Variants in PCDHGA2 observed in about 807,000 individuals in gnomAD.
The protein encoded by PCDHGA2 is protocadherin gamma subfamily A, 2, also known as protocadherin gamma-A2.
PCDHGA2 carries 40 observed loss-of-function variants against 59.2 expected under a neutral mutation model. That is an observed-to-expected ratio of 0.68 (90% confidence interval 0.52 to 0.88). PCDHGA2 has a LOEUF of 0.88. PCDHGA2 is among the 40% of genes least tolerant of loss of function. The probability of loss-of-function intolerance (pLI) is 0.00; values close to 1 mark genes in which losing one functional copy is unlikely to be tolerated. For synonymous variants in PCDHGA2, 560 were observed against 526.0 expected (o/e 1.06, Z -0.89); for missense variants, 1,226 against 1,204.0 (o/e 1.02, Z -0.27).
In PCDHGA2 at chr5:141,403,112, C is replaced by CT. The variant is rs765071462; in HGVS notation, c.2424+61718dup. The CT allele has an allele frequency of 3.1e-6, 5 of 1,614,074 alleles. No individual in the cohort carries two copies. In the South Asian group the frequency reaches 5.5e-5, roughly 18 times the overall value. On this transcript the variant is annotated intron_variant, in intron 1 of 3. Transcript: ENST00000394576. Reference sequence around the variant, plus strand: ...GGGCAACATCTCCAAGGACCTGGCTCTGGAGCCCCGGGAGCTGGCGGAGCG... The same window carrying CT: ...GGGCAACATCTCCAAGGACCTGGCTCTTGGAGCCCCGGGAGCTGGCGGAGCG...
intron 1 of PCDHGA2, chr5:141,492,050 C>T (rs2099736541): frequency 4.0e-6 from 2 of 500,984 alleles, no homozygotes; most frequent in South Asian, 7.5e-5. Context: ...AGATCCACCC[C>T]TGCAGCCAGC....
intron 1 of PCDHGA2, among the ~76,000 whole-genome samples, chr5:141,348,412 A>G (rs537874788): frequency 2.1e-4 from 32 of 152,370 alleles, no homozygotes; most frequent in African/African-American, 7.7e-4. Context: ...CAAAAGAAAA[A>G]GGCACGTAAC....
chr5:141,374,994 C>T, intron 1 of PCDHGA2: 1 of 1,614,038 alleles, frequency 6.2e-7, no homozygotes, highest in Non-Finnish European at 8.5e-7. Context: ...ATTTCAACTT[C>T]TGCAAATCTA....
In PCDHGA2 at chr5:141,340,398, C is replaced by T; in HGVS notation, c.1427C>T (p.Ala476Val). The change falls in exon 1 of 4, where the codon GCC becomes GTC. Residue 476 changes from alanine (A) to valine (V), a missense_variant. Transcript: ENST00000394576. ...PRGASVFSVT[A>V]HDPDSNDNAH... ...GGAGCCTCTGTCTTCTCAGTGACGG[C>T]CCATGACCCCGACAGCAACGACAAT... 6.2e-7 allele frequency: 1 copy of T among 1,614,172 alleles called. No individual in the cohort carries two copies. Among genetic ancestry groups the T allele is most frequent in the Non-Finnish European group, 8.5e-7 (1 of 1,180,028 alleles).
At position 141,399,889 on chromosome 5, in the gene PCDHGA2, G is replaced by A. The variant is rs2093912508; in HGVS notation, c.2424+58494G>A. 2.5e-6 allele frequency: 4 copies of A among 1,612,576 alleles called. No homozygotes were observed. In the African/African-American group the frequency reaches 5.3e-5, roughly 22 times the overall value. On this transcript the variant is annotated intron_variant, in intron 1 of 3. Coordinates refer to ENST00000394576, the MANE Select transcript of PCDHGA2 (RefSeq NM_018915.4). Reference sequence around the variant, plus strand: ...GCCCGGCTACCTGGTGACCAAGGTAGTGGCCGTGGACGCAGACTCAGGACA... The same window carrying A: ...GCCCGGCTACCTGGTGACCAAGGTAATGGCCGTGGACGCAGACTCAGGACA...
At chr5:141,444,752 T>C (rs1376810825) in intron 1 of PCDHGA2, among the ~76,000 whole-genome samples, 2 of 152,228 alleles carry the variant, frequency 1.3e-5, no homozygotes, top group Non-Finnish European at 2.9e-5. Context: ...CTGATATATG[T>C]AGTTCTATTT....
At chr5:141,352,402 C>T (rs1033462327) in intron 1 of PCDHGA2, 27 of 1,613,928 alleles carry the variant, frequency 1.7e-5, no homozygotes, top group African/African-American at 6.7e-5. Context: ...TGCGACGTTC[C>T]TCCAGCCTCG....
At chr5:141,369,787 A>G (rs1340381540) in intron 1 of PCDHGA2, among the ~76,000 whole-genome samples, 2 of 152,346 alleles carry the variant, frequency 1.3e-5, no homozygotes, top group African/African-American at 4.8e-5. Context: ...GCCTCTTTAT[A>G]CTACGTCTTC....
intron 1 of PCDHGA2, chr5:141,410,366 G>T: frequency 6.2e-7 from 1 of 1,613,774 alleles, no homozygotes; most frequent in Non-Finnish European, 8.5e-7. Flanking sequence ...TCTCAGCCCT[G>T]CTACTTGGGA....
intron 1 of PCDHGA2, among the ~76,000 whole-genome samples, chr5:141,460,478 A>G (rs989135238): frequency 6.6e-5 from 10 of 152,136 alleles, no homozygotes; most frequent in African/African-American, 2.4e-4. Context: ...GGAATATCCA[A>G]TTGTCTCTTT....
intron 1 of PCDHGA2, chr5:141,395,335 T>C (rs2093216572): frequency 6.9e-7 from 1 of 1,441,668 alleles, no homozygotes; most frequent in Non-Finnish European, 9.2e-7. Flanking sequence ...GAAAATAATT[T>C]TTAAGGTGTA....
intron 1 of PCDHGA2, among the ~76,000 whole-genome samples, chr5:141,386,520 G>T (rs976508801): frequency 0.014 from 2 of 142 alleles, no homozygotes; most frequent in Non-Finnish European, 0.032. Flanking sequence ...TTCAAAAAAA[G>T]ACTCTTTTTA....
chr5:141,400,863 T>G (rs370697957), intron 1 of PCDHGA2, among the ~76,000 whole-genome samples: 1 of 152,250 alleles, frequency 6.6e-6, no homozygotes. Context: ...TGTATGTAGA[T>G]AAACCATTAA....
intron 1 of PCDHGA2, chr5:141,372,273 C>G (rs201775561): frequency 6.2e-7 from 1 of 1,613,108 alleles, no homozygotes; most frequent in Non-Finnish European, 8.5e-7. Flanking sequence ...GGGTGAGGTG[C>G]GCACGGCGCG....
At chr5:141,386,521 A>AT (rs1458324675) in intron 1 of PCDHGA2, among the ~76,000 whole-genome samples, 1 of 232 alleles carries the variant, frequency 4.3e-3, no homozygotes, top group African/African-American at 0.013. Context: ...TCAAAAAAAG[A>AT]CTCTTTTTAG....
chr5:141,471,112 G>A (rs1442344944), intron 1 of PCDHGA2, among the ~76,000 whole-genome samples: 3 of 147,914 alleles, frequency 2.0e-5, no homozygotes, highest in Non-Finnish European at 4.4e-5. Flanking sequence ...GCAGTGGTGC[G>A]ATCTTACCTT....
intron 1 of PCDHGA2, chr5:141,412,993 G>T (rs1401025160): frequency 1.2e-5 from 7 of 574,186 alleles, no homozygotes; most frequent in Non-Finnish European, 1.8e-5. Context: ...GCTCAATCCG[G>T]ATTCTCAGGG....
intron 1 of PCDHGA2, chr5:141,413,581 A>T: frequency 1.9e-6 from 3 of 1,613,920 alleles, no homozygotes; most frequent in Non-Finnish European, 2.5e-6. Context: ...CAATGCTCCA[A>T]AATTCCAAGC....
At chr5:141,344,117 C>T (rs1306522666) in intron 1 of PCDHGA2, 2 of 1,613,990 alleles carry the variant, frequency 1.2e-6, no homozygotes, top group Non-Finnish European at 8.5e-7. Flanking sequence ...AAACAGGATC[C>T]GGTCAGATCC....
Sources: gnomAD v4.1 joint callset for allele counts (sites outside exome capture counted in the v4.1 genomes callset) on GRCh38, gnomAD v4.1.1 for gene constraint, MANE v1.5 for transcripts, NCBI Gene and HGNC (gene_info 2026-07-23, HGNC 2026-07-21) for gene names.